HTR1F: variants seen among roughly 807,000 people sequenced by gnomAD.
HTR1F encodes 5-hydroxytryptamine (serotonin) receptor 1F, G protein-coupled.
In HTR1F, 17 loss-of-function variants were observed where a neutral mutation model predicts 24.0. The ratio of observed to expected loss-of-function variants is 0.71; its 90% CI spans 0.48 to 1.06. The LOEUF (loss-of-function observed/expected upper bound fraction) is 1.06, where lower values mean the gene tolerates loss of function less well. Among genes scored for constraint, HTR1F ranks in the 50% least tolerant of loss-of-function variants. HTR1F has a pLI of 0.00. For synonymous variants in HTR1F, 186 were observed against 156.8 expected (o/e 1.19, Z -1.39); for missense variants, 391 against 427.8 (o/e 0.91, Z 0.76).
At chr3:87,950,951 A>G (rs1041041499) in intron 2 of HTR1F, among the ~76,000 whole-genome samples, 10 of 152,176 alleles carry the variant, frequency 6.6e-5, no homozygotes, top group African/African-American at 1.2e-4. Flanking sequence ...TCAGATATAA[A>G]TGCATCTCCT....
At chr3:87,921,420 A>C (rs1348935870) in intron 2 of HTR1F, among the ~76,000 whole-genome samples, 1 of 152,006 alleles carries the variant, frequency 6.6e-6, no homozygotes, top group African/African-American at 2.4e-5. Context: ...GAACATTTTA[A>C]CTTAAAATAT....
At chr3:87,898,299 TCTAGTC>T (rs1208995178) in intron 2 of HTR1F, among the ~76,000 whole-genome samples, 3 of 152,194 alleles carry the variant, frequency 2.0e-5, no homozygotes, top group African/African-American at 7.2e-5. Context: ...TCTTAGGTCT[TCTAGTC>T]CTAGCCTTTT....
intron 2 of HTR1F, among the ~76,000 whole-genome samples, chr3:87,948,601 C>T (rs1295155649): frequency 6.6e-6 from 1 of 151,958 alleles, no homozygotes. Flanking sequence ...CCTGCCTCAT[C>T]AGTCTCCCAA....
At position 87,891,627 on chromosome 3, in the gene HTR1F, T is replaced by C. The variant is rs1706088370; in HGVS notation, c.-43+69503T>C. On this transcript the variant is annotated intron_variant, in intron 2 of 2. Transcript: ENST00000319595. ...CTCACCTCAAAGAATCTGCTTATTA[T>C]CCAGTTGTCTTCTAAACCCTCTTTA... Among the ~76,000 whole-genome samples, 3 of 152,188 alleles carry C rather than the reference T, an allele frequency of 2.0e-5. No homozygotes were observed. In the South Asian group the frequency reaches 6.2e-4, roughly 32 times the overall value.
intron 1 of HTR1F, among the ~76,000 whole-genome samples, chr3:87,818,233 A>G (rs1348353318): frequency 2.0e-5 from 3 of 152,164 alleles, no homozygotes; most frequent in Non-Finnish European, 4.4e-5. Context: ...TTTTTCTAGC[A>G]TTTACATTAT....
At chr3:87,980,435 G>T (rs1705515302) in intron 2 of HTR1F, among the ~76,000 whole-genome samples, 2 of 152,156 alleles carry the variant, frequency 1.3e-5, no homozygotes, top group Non-Finnish European at 2.9e-5. Context: ...CTAAGTCCAG[G>T]GTTTTTATGG....
chr3:87,841,774 C>T (rs1009250422), intron 2 of HTR1F, among the ~76,000 whole-genome samples: 1 of 151,202 alleles, frequency 6.6e-6, no homozygotes, highest in African/African-American at 2.4e-5. Context: ...GTGGCGCGCT[C>T]CTGTAATCCC....
At chr3:87,861,561 T>C (rs1227897565) in intron 2 of HTR1F, among the ~76,000 whole-genome samples, 2 of 152,170 alleles carry the variant, frequency 1.3e-5, no homozygotes, top group African/African-American at 2.4e-5. Flanking sequence ...ACACAAGCCA[T>C]TTTCTGTGCT....
intron 2 of HTR1F, among the ~76,000 whole-genome samples, chr3:87,883,953 A>G (rs1012529369): frequency 1.2e-4 from 19 of 152,216 alleles, no homozygotes; most frequent in African/African-American, 4.1e-4. Context: ...TCCCCAACCT[A>G]GCAAGGCAAG....
chr3:87,904,175 C>G (rs980596212), intron 2 of HTR1F, among the ~76,000 whole-genome samples: 5 of 152,084 alleles, frequency 3.3e-5, no homozygotes, highest in African/African-American at 1.2e-4. Context: ...AATGAGATAT[C>G]ACTGCACACC....
chr3:87,798,449 TTTG>T (rs1175291168), intron 1 of HTR1F, among the ~76,000 whole-genome samples: 1 of 152,096 alleles, frequency 6.6e-6, no homozygotes, highest in Non-Finnish European at 1.5e-5. Context: ...ATTTCATGAC[TTTG>T]TTATTTAAAG....
rs71131532 is a variant in HTR1F at position 87,967,447 on chromosome 3, C to CAA, written c.-42-23250_-42-23249dup. Among the ~76,000 whole-genome samples, 39 of 149,196 alleles carry CAA rather than the reference C, an allele frequency of 2.6e-4. No individual in the cohort carries two copies. In the South Asian group the frequency reaches 2.9e-3, roughly 11 times the overall value. On this transcript the variant is annotated intron_variant, in intron 2 of 2. Transcript: ENST00000319595. ...CCTGGGTGACAGAGTGAAACTGTCTCAAAAAAAAAAAATAGAATACAGGGA... is the reference window on the plus strand; with the variant it reads ...CCTGGGTGACAGAGTGAAACTGTCTCAAAAAAAAAAAAAATAGAATACAGGGA...
intron 2 of HTR1F, among the ~76,000 whole-genome samples, chr3:87,942,065 C>A (rs1433125880): frequency 2.6e-5 from 4 of 152,030 alleles, no homozygotes; most frequent in African/African-American, 2.4e-5. Context: ...CTTTGCTCGT[C>A]CATATTGTCC....
At chr3:87,928,498 A>C (rs531181347) in intron 2 of HTR1F, among the ~76,000 whole-genome samples, 1 of 152,154 alleles carries the variant, frequency 6.6e-6, no homozygotes, top group Non-Finnish European at 1.5e-5. Context: ...ATGACTATAT[A>C]TTATTTTCTG....
At chr3:87,816,221 T>C (rs917177388) in intron 1 of HTR1F, among the ~76,000 whole-genome samples, 1 of 152,102 alleles carries the variant, frequency 6.6e-6, no homozygotes, top group African/African-American at 2.4e-5. Flanking sequence ...TCAGCCCTCA[T>C]CCTGTCTTAT....
chr3:87,819,923 C>T (rs1704322704), intron 1 of HTR1F, among the ~76,000 whole-genome samples: 1 of 151,932 alleles, frequency 6.6e-6, no homozygotes, highest in African/African-American at 2.4e-5. Flanking sequence ...AACAATTTAA[C>T]TCTTAAAATT....
intron 2 of HTR1F, among the ~76,000 whole-genome samples, chr3:87,960,042 T>TA (rs1193755707): frequency 1.3e-5 from 2 of 151,968 alleles, no homozygotes; most frequent in Non-Finnish European, 2.9e-5. Context: ...TCTTGATCCT[T>TA]AAAAAACAAT....
rs1348996324 is a variant in HTR1F at position 87,850,500 on chromosome 3, C to G, written c.-43+28376C>G. On this transcript the variant is annotated intron_variant, in intron 2 of 2. Coordinates refer to ENST00000319595, the MANE Select transcript of HTR1F (RefSeq NM_001322209.2). ...AGAGGGATAACATTAGGAGATATAC[C>G]TAATGTAAATGACGAGTTAATGGGT... 1.3e-5 allele frequency among the ~76,000 whole-genome samples: 2 copies of G among 151,584 alleles called. 1 individual carries two copies. The highest frequency in any genetic ancestry group is 4.9e-5 in the African/African-American group (2 of 41,056).
intron 2 of HTR1F, among the ~76,000 whole-genome samples, chr3:87,917,594 C>G (rs569798956): frequency 1.3e-5 from 2 of 151,768 alleles, no homozygotes; most frequent in Non-Finnish European, 2.9e-5. Context: ...ACTTTATGTG[C>G]ATAAACTAGA....
Sources: gnomAD v4.1 joint callset for allele counts (sites outside exome capture counted in the v4.1 genomes callset) on GRCh38, gnomAD v4.1.1 for gene constraint, MANE v1.5 for transcripts, NCBI Gene and HGNC (gene_info 2026-07-23, HGNC 2026-07-21) for gene names.